Variants in PLD5 observed in about 807,000 individuals in gnomAD.
PLD5 encodes phospholipase D family member 5.
Under a neutral mutation model 61.1 loss-of-function variants are expected in PLD5, and 36 were observed. That is an observed-to-expected ratio of 0.59 (90% CI 0.45 to 0.78). The LOEUF (loss-of-function observed/expected upper bound fraction) is 0.78, where lower values mean the gene tolerates loss of function less well. PLD5 is among the 30% of genes least tolerant of loss of function. The pLI is 0.00. For synonymous variants in PLD5, 243 were observed against 242.8 expected (o/e 1.00, Z -0.01); for missense variants, 515 against 644.4 (o/e 0.80, Z 2.17).
chr1:242,189,889 C>CAGTGCCTCAGG (rs2148924982), intron 5 of PLD5, among the ~76,000 whole-genome samples: 1 of 152,286 alleles, frequency 6.6e-6, no homozygotes, highest in Non-Finnish European at 1.5e-5. Flanking sequence ...GAAAGAAGGT[C>CAGTGCCTCAGG]AGTGCCTCAG....
chr1:242,254,434 C>T (rs1053074565), intron 4 of PLD5, among the ~76,000 whole-genome samples: 3 of 151,894 alleles, frequency 2.0e-5, no homozygotes, highest in African/African-American at 7.2e-5. Flanking sequence ...CTTTGGGAGG[C>T]TGAGGCAGGC....
intron 4 of PLD5, among the ~76,000 whole-genome samples, chr1:242,224,239 T>C (rs1261321846): frequency 1.3e-5 from 2 of 152,162 alleles, no homozygotes; most frequent in Admixed American, 1.3e-4. Context: ...CTTATGCAAA[T>C]ACAGACAATA....
intron 1 of PLD5, among the ~76,000 whole-genome samples, chr1:242,496,677 G>GGT: frequency 6.6e-6 from 1 of 151,892 alleles, no homozygotes; most frequent in Non-Finnish European, 1.5e-5. Flanking sequence ...GTATACAATT[G>GGT]GTGTCTTTAG....
intron 3 of PLD5, among the ~76,000 whole-genome samples, chr1:242,279,829 G>A (rs1674623899): frequency 6.6e-6 from 1 of 152,176 alleles, no homozygotes; most frequent in Non-Finnish European, 1.5e-5. Context: ...ACCACGCCCG[G>A]CATCTCCTTT....
intron 3 of PLD5, among the ~76,000 whole-genome samples, chr1:242,277,254 C>A (rs1674465312): frequency 6.6e-6 from 1 of 152,094 alleles, no homozygotes; most frequent in African/African-American, 2.4e-5. Flanking sequence ...TGCCAAATAT[C>A]CCCAATGCTT....
At chr1:242,335,880 A>C (rs1016865985) in intron 2 of PLD5, among the ~76,000 whole-genome samples, 1 of 152,204 alleles carries the variant, frequency 6.6e-6, no homozygotes, top group Non-Finnish European at 1.5e-5. Context: ...ATCTAATTAT[A>C]TCTCTCTGAT....
chr1:242,166,420 G>T (rs1220329528), intron 5 of PLD5, among the ~76,000 whole-genome samples: 1 of 152,064 alleles, frequency 6.6e-6, no homozygotes, highest in African/African-American at 2.4e-5. Context: ...CAAGTTAGCT[G>T]GGCCCTCTCA....
chr1:242,437,526 G>T (rs1666055369), intron 1 of PLD5, among the ~76,000 whole-genome samples: 1 of 152,014 alleles, frequency 6.6e-6, no homozygotes, highest in African/African-American at 2.4e-5. Context: ...GAAAAACCCT[G>T]TCTCTACTAA....
intron 4 of PLD5, among the ~76,000 whole-genome samples, chr1:242,251,640 G>C (rs1333696731): frequency 6.6e-6 from 1 of 152,084 alleles, no homozygotes; most frequent in African/African-American, 2.4e-5. Flanking sequence ...GCAGGCATTG[G>C]GTGGGGAACA....
intron 1 of PLD5, among the ~76,000 whole-genome samples, chr1:242,464,270 C>T (rs1163880376): frequency 1.3e-5 from 2 of 152,134 alleles, no homozygotes; most frequent in African/African-American, 2.4e-5. Flanking sequence ...CAAGTAAGTG[C>T]CAGTGGCTCC....
chr1:242,097,776 A>C (rs1360190220), intron 9 of PLD5, among the ~76,000 whole-genome samples: 1 of 152,126 alleles, frequency 6.6e-6, no homozygotes, highest in Non-Finnish European at 1.5e-5. Context: ...CAATTTTGGC[A>C]TTTGTTGCCA....
At position 242,488,534 on chromosome 1, in the gene PLD5, C is replaced by T. The variant is rs552664858; in HGVS notation, c.189+35554G>A. The stretch of plus-strand genomic sequence containing the variant: ...GATTCCAATGACATTCTGGAAAAGG[C>T]AAAACTATGGATACAGTAAAAATAC... On this transcript the variant is annotated intron_variant, in intron 1 of 9. Coordinates refer to ENST00000536534, the MANE Select transcript of PLD5 (RefSeq NM_001372062.1). Among the ~76,000 whole-genome samples, 6 of 152,094 alleles carry T rather than the reference C, an allele frequency of 3.9e-5. No individual in the cohort carries two copies. The East Asian group carries it at 1.2e-3, about 29-fold the overall frequency.
intron 4 of PLD5, among the ~76,000 whole-genome samples, chr1:242,254,814 G>A (rs537365434): frequency 6.6e-5 from 10 of 152,304 alleles, no homozygotes; most frequent in African/African-American, 2.2e-4. Flanking sequence ...TGCTAATTAC[G>A]CTGCTAATTA....
chr1:242,183,848 T>C (rs1031151953), intron 5 of PLD5, among the ~76,000 whole-genome samples: 3 of 152,006 alleles, frequency 2.0e-5, no homozygotes, highest in African/African-American at 7.2e-5. Flanking sequence ...TGAGCAGAGA[T>C]CGCGCCACTG....
chr1:242,386,488 A>G (rs1434453529), intron 1 of PLD5, among the ~76,000 whole-genome samples: 1 of 152,194 alleles, frequency 6.6e-6, no homozygotes, highest in Non-Finnish European at 1.5e-5. Flanking sequence ...GCACACAGCA[A>G]ACCTGAACCC....
chr1:242,511,510 C>T (rs1379950656), intron 1 of PLD5, among the ~76,000 whole-genome samples: 1 of 151,994 alleles, frequency 6.6e-6, no homozygotes, highest in Non-Finnish European at 1.5e-5. Context: ...AGCATGTATG[C>T]CATGATATGA....
At chr1:242,100,612 G>T in intron 9 of PLD5, 56 bp downstream of exon 9, 1 of 1,302,952 alleles carries the variant, frequency 7.7e-7, no homozygotes, top group Non-Finnish European at 1.1e-6. Context: ...AGCACAGCTG[G>T]ACTACCACTC....
chr1:242,393,002 G>A (rs540162178), intron 1 of PLD5, among the ~76,000 whole-genome samples: 2 of 151,158 alleles, frequency 1.3e-5, no homozygotes, highest in Admixed American at 6.6e-5. Flanking sequence ...TCAGGAGTTC[G>A]AGACCAGCCT....
intron 1 of PLD5, among the ~76,000 whole-genome samples, chr1:242,411,532 G>C (rs1407447480): frequency 6.6e-6 from 1 of 152,182 alleles, no homozygotes; most frequent in Non-Finnish European, 1.5e-5. Context: ...ACCACACCTG[G>C]CCTGTTGTTT....
Sources: gnomAD v4.1 joint callset for allele counts (sites outside exome capture counted in the v4.1 genomes callset) on GRCh38, gnomAD v4.1.1 for gene constraint, MANE v1.5 for transcripts, NCBI Gene and HGNC (gene_info 2026-07-23, HGNC 2026-07-21) for gene names.